Variants in KCNMA1 observed in about 807,000 individuals in gnomAD.
The protein encoded by KCNMA1 is potassium calcium-activated channel subfamily M alpha 1.
A neutral mutation model predicts 140.0 loss-of-function variants in KCNMA1; 29 were observed. That is an observed-to-expected ratio of 0.21 (90% CI 0.15 to 0.28). The LOEUF (loss-of-function observed/expected upper bound fraction) is 0.28. Ranked by LOEUF, KCNMA1 falls within the 10% of genes least tolerant of loss-of-function variation. The probability of loss-of-function intolerance (pLI) is 1.00; values close to 1 mark genes in which losing one functional copy is unlikely to be tolerated. For synonymous variants in KCNMA1, 612 were observed against 611.9 expected (o/e 1.00, Z 0.00); for missense variants, 880 against 1,602.2 (o/e 0.55, Z 7.70).
Position 77,311,144 on chromosome 10 carries a change from A to T in KCNMA1, c.541-59888T>A, listed in dbSNP as rs10824521. Among the ~76,000 whole-genome samples the T allele has an allele frequency of 1.4e-3, 207 of 152,096 alleles. 1 individual carries two copies. Among genetic ancestry groups the T allele is most frequent in the Middle Eastern group, 0.01 (3 of 292 alleles). The stretch of plus-strand genomic sequence containing the variant: ...TGTGAAGAGTCTCCAGCAGAGGAGA[A>T]ATTGGTTTAAAAAAGCAAGAAGAAT... On this transcript the variant is annotated intron_variant, in intron 2 of 27. Transcript: ENST00000286628.
Position 77,504,246 on chromosome 10 carries a change from G to A in KCNMA1, c.379-100223C>T, listed in dbSNP as rs542144203. 4.4e-3 allele frequency among the ~76,000 whole-genome samples: 674 copies of A among 152,286 alleles called. 1 individual carries two copies. Among genetic ancestry groups the A allele is most frequent in the Middle Eastern group, 6.8e-3 (2 of 292 alleles). On this transcript the variant is annotated intron_variant, in intron 1 of 27. Coordinates refer to ENST00000286628, the MANE Select transcript of KCNMA1 (RefSeq NM_001161352.2). ...CATATGGCTTTATCTCTTCTGGAAAGGGAGAGTGAGCATGTCCCTTGCCCC... is the reference window on the plus strand; with the variant it reads ...CATATGGCTTTATCTCTTCTGGAAAAGGAGAGTGAGCATGTCCCTTGCCCC...
chr10:77,086,647 C>T (rs2096698143), intron 10 of KCNMA1, 54 bp from the exon 11 acceptor site: 10 of 1,227,266 alleles, frequency 8.1e-6, no homozygotes, highest in Non-Finnish European at 1.2e-5. Flanking sequence ...GGGGTTTCAG[C>T]CTCCATGGGC....
intron 14 of KCNMA1, among the ~76,000 whole-genome samples, chr10:77,062,455 C>T (rs1844017194): frequency 6.6e-6 from 1 of 152,224 alleles, no homozygotes; most frequent in Admixed American, 6.5e-5. Flanking sequence ...GTCTATCATA[C>T]TGCACTGTAA....
At chr10:76,988,532 A>C (rs1432963887) in intron 19 of KCNMA1, among the ~76,000 whole-genome samples, 4 of 152,126 alleles carry the variant, frequency 2.6e-5, no homozygotes, top group Non-Finnish European at 4.4e-5. Flanking sequence ...CATCTCAAAA[A>C]ACAACAATAA....
chr10:77,223,810 G>A (rs2050448420), intron 3 of KCNMA1, among the ~76,000 whole-genome samples: 1 of 152,186 alleles, frequency 6.6e-6, no homozygotes, highest in South Asian at 2.1e-4. Context: ...AGACAAAAGT[G>A]AAGTCTTGGT....
At chr10:77,052,094 A>G (rs957870899) in intron 14 of KCNMA1, among the ~76,000 whole-genome samples, 2 of 152,198 alleles carry the variant, frequency 1.3e-5, no homozygotes, top group African/African-American at 4.8e-5. Context: ...AACTATGCCA[A>G]TTAGATGTGG....
chr10:77,583,297 C>A (rs1051019355), intron 1 of KCNMA1, among the ~76,000 whole-genome samples: 1 of 152,222 alleles, frequency 6.6e-6, no homozygotes, highest in Non-Finnish European at 1.5e-5. Context: ...GAGGTCAATG[C>A]ATCACTGGCC....
chr10:77,239,283 C>T (rs1448443034), intron 3 of KCNMA1, among the ~76,000 whole-genome samples: 2 of 152,234 alleles, frequency 1.3e-5, no homozygotes, highest in African/African-American at 4.8e-5. Flanking sequence ...GTTATTTTCA[C>T]CTTCTCTGCA....
At chr10:77,526,886 C>G (rs1475202854) in intron 1 of KCNMA1, among the ~76,000 whole-genome samples, 1 of 152,088 alleles carries the variant, frequency 6.6e-6, no homozygotes, top group African/African-American at 2.4e-5. Flanking sequence ...CTCCCCCTCT[C>G]TAATTCACCA....
At chr10:77,398,539 T>A (rs1480753934) in intron 2 of KCNMA1, among the ~76,000 whole-genome samples, 1 of 152,232 alleles carries the variant, frequency 6.6e-6, no homozygotes, top group African/African-American at 2.4e-5. Context: ...CACTTTTAAA[T>A]GTTATTTGGT....
chr10:77,396,944 G>C (rs1231108653), intron 2 of KCNMA1, among the ~76,000 whole-genome samples: 1 of 152,200 alleles, frequency 6.6e-6, no homozygotes, highest in Non-Finnish European at 1.5e-5. Context: ...TCTTTGAAGA[G>C]ACACACAAAA....
In KCNMA1 at chr10:77,637,652, C is replaced by G. The variant is rs1272740115; in HGVS notation, c.-10G>C. 5 of 1,501,350 alleles carry G rather than the reference C, an allele frequency of 3.3e-6. No individual in the cohort carries two copies. The highest frequency in any genetic ancestry group is 4.4e-6 in the Non-Finnish European group (5 of 1,132,036). 93.0% of individuals were successfully genotyped at this position (1,501,350 alleles called of 1,614,324 possible). A position where few individuals can be genotyped will look rare whatever the true frequency, so the allele number is the denominator to read the frequency against. ...CGCCACCATTTGCCATAGCTAGCAA[C>G]GGGCAGCCGGCGCAGGGGCTCGGGG... On this transcript the variant is annotated 5_prime_UTR_variant, in exon 1 of 28. Coordinates refer to ENST00000286628, the MANE Select transcript of KCNMA1 (RefSeq NM_001161352.2).
Position 77,429,805 on chromosome 10 carries a change from T to A in KCNMA1, c.379-25782A>T, listed in dbSNP as rs571978130. 4.6e-5 allele frequency among the ~76,000 whole-genome samples: 7 copies of A among 152,252 alleles called. No individual in the cohort carries two copies. The South Asian group carries it at 1.5e-3, about 32-fold the overall frequency. The stretch of plus-strand genomic sequence containing the variant: ...TATATATGTTAATATGTATCTATCA[T>A]ATATGTATATATATGATATATCAGG... On this transcript the variant is annotated intron_variant, in intron 1 of 27. Coordinates refer to ENST00000286628, the MANE Select transcript of KCNMA1 (RefSeq NM_001161352.2).
intron 3 of KCNMA1, among the ~76,000 whole-genome samples, chr10:77,199,707 C>T (rs532970188): frequency 1.3e-5 from 2 of 151,976 alleles, no homozygotes; most frequent in Non-Finnish European, 2.9e-5. Context: ...AACTCATCAG[C>T]GTGAGAAGGC....
intron 23 of KCNMA1, among the ~76,000 whole-genome samples, chr10:76,918,917 AT>A (rs774422940): frequency 1.6e-5 from 1 of 63,344 alleles, no homozygotes; most frequent in African/African-American, 5.0e-5. Flanking sequence ...TATATATCAC[AT>A]CACACACACA....
chr10:77,550,160 A>G (rs1474851590), intron 1 of KCNMA1, among the ~76,000 whole-genome samples: 2 of 152,186 alleles, frequency 1.3e-5, no homozygotes, highest in Non-Finnish European at 2.9e-5. Context: ...AGAGCAAAGG[A>G]GAAAAGAAGA....
At chr10:77,231,229 G>A (rs1275138790) in intron 3 of KCNMA1, among the ~76,000 whole-genome samples, 1 of 152,152 alleles carries the variant, frequency 6.6e-6, no homozygotes, top group Non-Finnish European at 1.5e-5. Flanking sequence ...ATAAGTTCTT[G>A]AAGAGATTCT....
At chr10:77,093,422 T>C (rs1463336933) in intron 9 of KCNMA1, among the ~76,000 whole-genome samples, 1 of 152,222 alleles carries the variant, frequency 6.6e-6, no homozygotes, top group East Asian at 1.9e-4. Context: ...CCAATAATCA[T>C]TTCCCTCCAT....
chr10:77,166,280 G>A (rs1432229773), intron 5 of KCNMA1, among the ~76,000 whole-genome samples: 5 of 152,094 alleles, frequency 3.3e-5, no homozygotes, highest in African/African-American at 7.2e-5. Flanking sequence ...TTGTAAATTC[G>A]AGTTATAGTA....
Sources: gnomAD v4.1 joint callset for allele counts (sites outside exome capture counted in the v4.1 genomes callset) on GRCh38, gnomAD v4.1.1 for gene constraint, MANE v1.5 for transcripts, NCBI Gene and HGNC (gene_info 2026-07-23, HGNC 2026-07-21) for gene names.